TMEM260: variants seen among roughly 807,000 people sequenced by gnomAD.
TMEM260 encodes the protein protein O-mannosyl-transferase TMEM260.
In TMEM260, 82 loss-of-function variants were observed where a neutral mutation model predicts 88.9. That is an observed-to-expected ratio of 0.92 (90% CI 0.77 to 1.11). The LOEUF is 1.11. TMEM260 is among the 50% of genes least tolerant of loss of function. The probability of loss-of-function intolerance (pLI) is 0.00; values close to 1 mark genes in which losing one functional copy is unlikely to be tolerated. For missense variants in TMEM260, 902 were observed against 853.4 expected (o/e 1.06, Z -0.71); for synonymous variants, 314 against 309.3 (o/e 1.02, Z -0.16).
intron 5 of TMEM260, among the ~76,000 whole-genome samples, chr14:56,606,750 C>A (rs963918953): frequency 1.3e-5 from 2 of 152,102 alleles, no homozygotes; most frequent in African/African-American, 4.8e-5. Flanking sequence ...AAAAAAGTAG[C>A]TGGGCTTGGC....
intron 10 of TMEM260, among the ~76,000 whole-genome samples, chr14:56,620,256 T>G (rs1270651153): frequency 6.6e-6 from 1 of 152,098 alleles, no homozygotes; most frequent in Non-Finnish European, 1.5e-5. Flanking sequence ...TTTACCTTTA[T>G]AACAACAAAC....
intron 14 of TMEM260, among the ~76,000 whole-genome samples, chr14:56,635,811 G>A (rs1386026303): frequency 6.6e-6 from 1 of 151,646 alleles, no homozygotes; most frequent in Non-Finnish European, 1.5e-5. Flanking sequence ...TTAAAGAGTG[G>A]TCAAGAAATA....
chr14:56,659,265 T>G, the TMEM260 span, among the ~76,000 whole-genome samples: 1 of 151,574 alleles, frequency 6.6e-6, no homozygotes, highest in Admixed American at 6.6e-5. Flanking sequence ...GTTTTTGTTT[T>G]TTTTTTTTTT....
Position 56,579,980 on chromosome 14 carries a change from C to G in TMEM260, c.66C>G (p.Arg22=). The change falls in exon 1 of 16, where the codon CGC becomes CGG. Residue 22 remains arginine (R), a synonymous_variant. Coordinates refer to ENST00000261556, the MANE Select transcript of TMEM260 (RefSeq NM_017799.4). ...QGRAVRVGLR[R]SGGIRGGVAV... is the part of the protein sequence containing the mutation. ...GGGCAGTCCGAGTGGGGCTGCGGCG[C>G]TCCGGGGGCATCCGCGGCGGCGTGG... The G allele has an allele frequency of 8.0e-7, 1 of 1,244,374 alleles. No homozygotes were observed. Among genetic ancestry groups the G allele is most frequent in the East Asian group, 3.1e-5 (1 of 31,768 alleles). The allele number at this position is 1,244,374 out of a possible 1,614,324, so 77.1% of individuals were successfully genotyped here. A position where few individuals can be genotyped will look rare whatever the true frequency, so the allele number is the denominator to read the frequency against.
At chr14:56,616,780 T>C (rs1379487177) in intron 8 of TMEM260, among the ~76,000 whole-genome samples, 1 of 152,100 alleles carries the variant, frequency 6.6e-6, no homozygotes, top group Admixed American at 6.5e-5. Flanking sequence ...ATATAGATAT[T>C]ATCAAATTAA....
intron 3 of TMEM260, among the ~76,000 whole-genome samples, chr14:56,596,425 TACATACACACAC>T (rs1886229956): frequency 7.4e-6 from 1 of 135,636 alleles, no homozygotes; most frequent in African/African-American, 2.9e-5. Context: ...TATATATATA[TACATACACACAC>T]ATATACATAT....
At chr14:56,600,287 G>A (rs928874607) in intron 3 of TMEM260, among the ~76,000 whole-genome samples, 1 of 152,102 alleles carries the variant, frequency 6.6e-6, no homozygotes, top group Non-Finnish European at 1.5e-5. Context: ...TTTTGCGCAA[G>A]ACTAGGAGAA....
At chr14:56,630,998 A>G (rs911317213) in intron 12 of TMEM260, among the ~76,000 whole-genome samples, 47 of 152,260 alleles carry the variant, frequency 3.1e-4, no homozygotes, top group African/African-American at 1.1e-3. Context: ...ACTGGCAGCA[A>G]ACCCATACAG....
chr14:56,629,701 A>G (rs1280884216), intron 12 of TMEM260, among the ~76,000 whole-genome samples: 1 of 152,116 alleles, frequency 6.6e-6, no homozygotes, highest in Non-Finnish European at 1.5e-5. Flanking sequence ...ATTTGTGGAA[A>G]TAGATTCTGG....
At chr14:56,610,444 A>T (rs1409718896) in intron 6 of TMEM260, among the ~76,000 whole-genome samples, 1 of 151,976 alleles carries the variant, frequency 6.6e-6, no homozygotes, top group Admixed American at 6.6e-5. Flanking sequence ...GGGTTTCACC[A>T]TGTTAGCCAG....
intron 14 of TMEM260, among the ~76,000 whole-genome samples, chr14:56,636,177 ATG>A (rs1404510022): frequency 6.6e-6 from 1 of 152,170 alleles, no homozygotes; most frequent in East Asian, 1.9e-4. Context: ...ACCTTCAGGG[ATG>A]TGTTGGCAGA....
At chr14:56,628,523 GTTTTGT>G (rs1193983479) in intron 12 of TMEM260, among the ~76,000 whole-genome samples, 2 of 151,950 alleles carry the variant, frequency 1.3e-5, no homozygotes, top group Non-Finnish European at 2.9e-5. Flanking sequence ...GAGTTCTATA[GTTTTGT>G]TTTTGTGTTT....
chr14:56,634,824 A>T (rs1888904184), intron 13 of TMEM260, 75 bp from the exon 14 acceptor site: 1 of 1,371,712 alleles, frequency 7.3e-7, no homozygotes, highest in Non-Finnish European at 1.0e-6. Flanking sequence ...CCTGGGCAGC[A>T]AGAGCAAAAT....
chr14:56,581,322 C>T (rs1371850834), intron 1 of TMEM260, among the ~76,000 whole-genome samples: 1 of 152,166 alleles, frequency 6.6e-6, no homozygotes, highest in Non-Finnish European at 1.5e-5. Context: ...GGGCTGCCTA[C>T]CACGTTGAAG....
intron 5 of TMEM260, among the ~76,000 whole-genome samples, chr14:56,608,324 C>G (rs755146538): frequency 6.6e-6 from 1 of 152,032 alleles, no homozygotes; most frequent in Non-Finnish European, 1.5e-5. Context: ...TTCCCAGTTA[C>G]TAAAGTAAGC....
intron 14 of TMEM260, among the ~76,000 whole-genome samples, chr14:56,635,173 A>G (rs1346884911): frequency 2.0e-5 from 3 of 152,226 alleles, no homozygotes; most frequent in Non-Finnish European, 4.4e-5. Flanking sequence ...TTTATAAAAG[A>G]ACAAACTGGA....
At chr14:56,641,342 GA>G (rs1296614255) in intron 15 of TMEM260, among the ~76,000 whole-genome samples, 8 of 152,034 alleles carry the variant, frequency 5.3e-5, no homozygotes, top group African/African-American at 1.9e-4. Flanking sequence ...CAAGCCAGAA[GA>G]GGGTGGGGGC....
At position 56,625,444 on chromosome 14, in the gene TMEM260, T is replaced by G. The variant is rs765021094; in HGVS notation, c.1461T>G (p.Pro487=). ...AGCACTTGCCAGGTGTCAACTTTCC[T>G]GGGAACCGGTGGAATCCTGTGGAAG... ...MAKHLPGVNF[P]GNRWNPVEGI... is the part of the protein sequence containing the mutation. The change falls in exon 12 of 16, where the codon CCT becomes CCG. Residue 487 remains proline, a synonymous_variant. Transcript: ENST00000261556. The G allele has an allele frequency of 7.4e-6, 12 of 1,613,808 alleles. No homozygotes were observed. Among genetic ancestry groups the G allele is most frequent in the African/African-American group, 1.3e-5 (1 of 74,932 alleles).
intron 15 of TMEM260, 101 bp from the exon 16 acceptor site, chr14:56,647,142 A>AT (rs914633815): frequency 4.7e-4 from 618 of 1,320,652 alleles, no homozygotes; most frequent in Non-Finnish European, 5.3e-4. Flanking sequence ...GGCTGCTTGA[A>AT]TTTTTTTTTC....
Sources: gnomAD v4.1 joint callset for allele counts (sites outside exome capture counted in the v4.1 genomes callset) on GRCh38, gnomAD v4.1.1 for gene constraint, MANE v1.5 for transcripts, NCBI Gene and HGNC (gene_info 2026-07-23, HGNC 2026-07-21) for gene names.